PEX3: variants seen among roughly 807,000 people sequenced by gnomAD.
The protein encoded by PEX3 is peroxisomal biogenesis factor 3, also known as peroxin-3.
PEX3 carries 30 observed loss-of-function variants against 55.8 expected under a neutral mutation model. That is an observed-to-expected ratio of 0.54 (90% CI 0.40 to 0.73). The LOEUF is 0.73. PEX3 is among the 30% of genes least tolerant of loss of function. The probability of loss-of-function intolerance (pLI) is 0.00; values close to 1 mark genes in which losing one functional copy is unlikely to be tolerated. For synonymous variants in PEX3, 135 were observed against 148.4 expected, an observed-to-expected ratio of 0.91 and a Z score of 0.66; for missense variants, 351 against 432.8, an observed-to-expected ratio of 0.81 and a Z score of 1.68.
intron 3 of PEX3, among the ~76,000 whole-genome samples, chr6:143,467,276 T>C (rs1269751341): frequency 1.3e-5 from 2 of 152,070 alleles, no homozygotes; most frequent in African/African-American, 4.8e-5. Flanking sequence ...TAAAAACCTT[T>C]TGACTAATTT....
In PEX3 at chr6:143,479,880, G is replaced by A. The variant is rs1431855614; in HGVS notation, c.941+682G>A. 5.9e-5 allele frequency among the ~76,000 whole-genome samples: 9 copies of A among 151,830 alleles called. No individual in the cohort carries two copies. Among genetic ancestry groups the A allele is most frequent in the African/African-American group, 1.7e-4 (7 of 41,340 alleles). On this transcript the variant is annotated intron_variant, in intron 10 of 11. Coordinates refer to ENST00000367591, the MANE Select transcript of PEX3 (RefSeq NM_003630.3). The surrounding 1 kb of genome is among the most constrained non-coding windows in gnomAD (Gnocchi z 4.6). ...TTTTGCAGTTTTTTATGTCAAACTC[G>A]GAAAATAATGGGTACTAAATTAATG...
At chr6:143,484,077 A>T (rs2128747912) in intron 10 of PEX3, among the ~76,000 whole-genome samples, 1 of 152,188 alleles carries the variant, frequency 6.6e-6, no homozygotes, top group Non-Finnish European at 1.5e-5. Context: ...CTTGCATGAT[A>T]TTTAAAAGGA....
intron 4 of PEX3, among the ~76,000 whole-genome samples, chr6:143,470,080 G>T (rs533905350): frequency 3.9e-5 from 6 of 152,202 alleles, no homozygotes; most frequent in African/African-American, 1.2e-4. Context: ...CTCCCGAGTA[G>T]CTGGCTCTAC....
chr6:143,485,013 T>C lies in PEX3; in HGVS notation c.942-139T>C, dbSNP rs1780295299. On this transcript the variant is annotated intron_variant, in intron 10 of 11. Coordinates refer to ENST00000367591, the MANE Select transcript of PEX3 (RefSeq NM_003630.3). This position sits in a 1 kb window ranked among gnomAD's most constrained non-coding sequence, Gnocchi z 5.6. ...AATTAGAGTTGTTATTTCTAAGCGA[T>C]AGAATTGTGGGGTTTTTTTTCCTTT... The C allele has an allele frequency of 4.5e-6, 3 of 663,508 alleles. No homozygotes were observed. The South Asian group carries it at 5.1e-5, about 11-fold the overall frequency. 41.1% of individuals were successfully genotyped at this position (663,508 alleles called of 1,614,324 possible).
At chr6:143,473,343 A>C (rs1194900698) in intron 8 of PEX3, among the ~76,000 whole-genome samples, 1 of 152,242 alleles carries the variant, frequency 6.6e-6, no homozygotes, top group Non-Finnish European at 1.5e-5. Flanking sequence ...TTAATGAAAC[A>C]GGAGACAACT....
chr6:143,479,306 C>A lies in PEX3; in HGVS notation c.941+108C>A. The A allele has an allele frequency of 1.2e-6, 1 of 841,388 alleles. No individual in the cohort carries two copies. The highest frequency in any genetic ancestry group is 2.0e-6 in the Non-Finnish European group (1 of 501,960). 52.1% of individuals were successfully genotyped at this position (841,388 alleles called of 1,614,324 possible). On this transcript the variant is annotated intron_variant, in intron 10 of 11. Transcript: ENST00000367591. This position sits in a 1 kb window ranked among gnomAD's most constrained non-coding sequence, Gnocchi z 4.6. ...CAACAAACCTATTAAATTTGAGTGC[C>A]TCATTTTTTAACAAATTAAACTCTG...
At chr6:143,468,474 G>T (rs1228502381) in intron 4 of PEX3, among the ~76,000 whole-genome samples, 1 of 152,070 alleles carries the variant, frequency 6.6e-6, no homozygotes, top group Non-Finnish European at 1.5e-5. Flanking sequence ...CCAGATCATA[G>T]ATTTACTTTG....
chr6:143,478,665 C>A (rs1299896509), intron 9 of PEX3, among the ~76,000 whole-genome samples: 1 of 152,040 alleles, frequency 6.6e-6, no homozygotes, highest in Non-Finnish European at 1.5e-5. Flanking sequence ...ACAGGCCTTT[C>A]GTCAAGCTTC....
At chr6:143,467,983 T>A in intron 3 of PEX3, 139 bp from the exon 4 acceptor site, 1 of 558,424 alleles carries the variant, frequency 1.8e-6, no homozygotes, top group Admixed American at 3.3e-5. Context: ...TTTACCGTAT[T>A]TTGTGGGCTT....
chr6:143,451,033 G>A lies in PEX3; in HGVS notation c.-10G>A. On this transcript the variant is annotated 5_prime_UTR_variant, in exon 1 of 12. Transcript: ENST00000367591. This position sits in a 1 kb window ranked among gnomAD's most constrained non-coding sequence, Gnocchi z 4.1. The stretch of plus-strand genomic sequence containing the variant: ...CACCCCTAGTCAGCCCACACCCCTA[G>A]GGCCTAAAGATGCTGAGGTCTGTAT... 1.2e-6 allele frequency: 2 copies of A among 1,606,500 alleles called. No homozygotes were observed. The highest frequency in any genetic ancestry group is 1.7e-5 in the Admixed American group (1 of 60,006).
intron 9 of PEX3, among the ~76,000 whole-genome samples, chr6:143,477,901 G>A (rs147084927): frequency 1.5e-4 from 23 of 151,996 alleles, no homozygotes; most frequent in African/African-American, 4.3e-4. Flanking sequence ...CCAAATTACC[G>A]TGCAACCCAG....
chr6:143,484,805 C>G (rs148762444), intron 10 of PEX3, among the ~76,000 whole-genome samples: 1 of 151,936 alleles, frequency 6.6e-6, no homozygotes, highest in Non-Finnish European at 1.5e-5. Flanking sequence ...AGCTAGAGGA[C>G]AGATTACTGT....
At chr6:143,473,805 G>A (rs569992482) in intron 8 of PEX3, among the ~76,000 whole-genome samples, 10 of 152,086 alleles carry the variant, frequency 6.6e-5, no homozygotes, top group Non-Finnish European at 1.0e-4. Context: ...TCAGCAGTTC[G>A]AGTCCGTGGT....
At chr6:143,470,934 C>G (rs545758627) in intron 4 of PEX3, 27 bp from the exon 5 acceptor site, 1 of 1,600,312 alleles carries the variant, frequency 6.2e-7, no homozygotes, top group Admixed American at 1.7e-5. Flanking sequence ...AATCACAGTA[C>G]CAAATGCTTT....
intron 2 of PEX3, among the ~76,000 whole-genome samples, chr6:143,461,791 T>G (rs551830498): frequency 6.6e-6 from 1 of 152,032 alleles, no homozygotes; most frequent in East Asian, 1.9e-4. Context: ...TACAAAAAAT[T>G]TAAAACATTA....
rs77215350 is a variant in PEX3, at chr6:143,470,813, A to G, written c.332-148A>G. The G allele has an allele frequency of 3.1e-3, 2,009 of 645,198 alleles. 28 individuals are homozygous for G. In the African/African-American group the frequency reaches 0.033, roughly 11 times the overall value. The allele number at this position is 645,198 out of a possible 1,614,324, so 40.0% of individuals were successfully genotyped here. A position where few individuals can be genotyped will look rare whatever the true frequency, so the allele number is the denominator to read the frequency against. ...TAAACAATTGTGAGGAGAGACTGAA[A>G]TATTTTGAATTGATATATTTTTATA... On this transcript the variant is annotated intron_variant, in intron 4 of 11. Transcript: ENST00000367591.
At position 143,459,268 on chromosome 6, in the gene PEX3, A is replaced by T. The variant is rs758648119; in HGVS notation, c.205+52A>T. 1 of 1,478,820 alleles carries T rather than the reference A, an allele frequency of 6.8e-7. No individual in the cohort carries two copies. 91.6% of individuals were successfully genotyped at this position (1,478,820 alleles called of 1,614,324 possible). A position where few individuals can be genotyped will look rare whatever the true frequency, so the allele number is the denominator to read the frequency against. On this transcript the variant is annotated intron_variant, in intron 2 of 11. Transcript: ENST00000367591. This position sits in a 1 kb window ranked among gnomAD's most constrained non-coding sequence, Gnocchi z 4.2. ...TGTAAAGTTGTTTGACGGTTGTATT[A>T]ATTTGCATATCACCGGGATCAAATT...
Position 143,485,041 on chromosome 6 carries a change from A to T in PEX3, c.942-111A>T. 2.7e-6 allele frequency: 2 copies of T among 734,834 alleles called. No homozygotes were observed. The highest frequency in any genetic ancestry group is 2.0e-5 in the Admixed American group (1 of 49,216). The allele number at this position is 734,834 out of a possible 1,614,324, so 45.5% of individuals were successfully genotyped here. On this transcript the variant is annotated intron_variant, in intron 10 of 11. Coordinates refer to ENST00000367591, the MANE Select transcript of PEX3 (RefSeq NM_003630.3). The surrounding 1 kb of genome is among the most constrained non-coding windows in gnomAD (Gnocchi z 5.6). ...AATTGTGGGGTTTTTTTTCCTTTTT[A>T]ATAGATTTCCAAAAATATTCTACAA...
At chr6:143,467,932 G>T (rs896076969) in intron 3 of PEX3, among the ~76,000 whole-genome samples, 190 bp from the exon 4 acceptor site, 2 of 151,998 alleles carry the variant, frequency 1.3e-5, no homozygotes, top group African/African-American at 4.8e-5. Flanking sequence ...ATATATACCA[G>T]TTAAAGTGGT....
Sources: gnomAD v4.1 joint callset for allele counts (sites outside exome capture counted in the v4.1 genomes callset) on GRCh38, gnomAD v4.1.1 for gene constraint, Gnocchi (gnomAD v3.1) non-coding constraint, MANE v1.5 for transcripts, NCBI Gene and HGNC (gene_info 2026-07-23, HGNC 2026-07-21) for gene names.